Variants in PICK1 observed in about 807,000 individuals in gnomAD.
The protein encoded by PICK1 is PRKCA-binding protein.
In PICK1, 23 loss-of-function variants were observed where a neutral mutation model predicts 48.9. That is an observed-to-expected ratio of 0.47 (90% CI 0.34 to 0.67). The LOEUF (loss-of-function observed/expected upper bound fraction) is 0.67. Among genes scored for constraint, PICK1 ranks in the 30% least tolerant of loss-of-function variants. The pLI is 0.01. For missense variants in PICK1, 423 were observed against 557.1 expected (o/e 0.76, Z 2.42); for synonymous variants, 217 against 228.2 (o/e 0.95, Z 0.44).
chr22:38,058,847 A>T (rs2085332929), intron 2 of PICK1, among the ~76,000 whole-genome samples: 1 of 152,208 alleles, frequency 6.6e-6, no homozygotes, highest in Non-Finnish European at 1.5e-5. Context: ...TCTACTAAAA[A>T]TACAAAAAAA....
intron 8 of PICK1, 72 bp downstream of exon 8, chr22:38,071,816 G>A: frequency 7.4e-7 from 1 of 1,352,950 alleles, no homozygotes; most frequent in Admixed American, 1.7e-5. Context: ...ATGCTGAGGT[G>A]GGTCAGACCC....
intron 5 of PICK1, among the ~76,000 whole-genome samples, chr22:38,068,788 T>C (rs575867999): frequency 7.9e-5 from 12 of 152,204 alleles, no homozygotes; most frequent in Non-Finnish European, 1.8e-4. Flanking sequence ...CAGCAGCTGA[T>C]GTTGCGTAGC....
At chr22:38,072,381 C>A in intron 8 of PICK1, 96 bp from the exon 9 acceptor site, 1 of 1,464,922 alleles carries the variant, frequency 6.8e-7, no homozygotes, top group Non-Finnish European at 9.3e-7. Flanking sequence ...TGGCTTCCAG[C>A]CTGCCAGGCC....
chr22:38,060,596 C>G (rs1352754127), intron 3 of PICK1, among the ~76,000 whole-genome samples: 1 of 152,112 alleles, frequency 6.6e-6, no homozygotes, highest in East Asian at 1.9e-4. Flanking sequence ...CCTTCATGAG[C>G]CATTCGGCCT....
chr22:38,065,581 C>T (rs955850208), intron 4 of PICK1, among the ~76,000 whole-genome samples: 2 of 152,152 alleles, frequency 1.3e-5, no homozygotes, highest in Non-Finnish European at 2.9e-5. Flanking sequence ...CCTGTAGGAA[C>T]TTTCGGTCCC....
chr22:38,057,873 T>G (rs1489368578), intron 2 of PICK1, 23 bp downstream of exon 2: 3 of 1,600,724 alleles, frequency 1.9e-6, no homozygotes, highest in Non-Finnish European at 2.6e-6. Context: ...TTCCCCCAAG[T>G]TCCAGCAGTA....
In PICK1 at chr22:38,073,093, G is replaced by A; in HGVS notation, c.783+1G>A. 6.3e-7 allele frequency: 1 copy of A among 1,598,560 alleles called. No homozygotes were observed. The highest frequency in any genetic ancestry group is 8.6e-7 in the Non-Finnish European group (1 of 1,165,932). On this transcript the variant is annotated splice_donor_variant, in intron 10 of 12. Transcript: ENST00000356976. LOFTEE classifies it high-confidence loss of function. The surrounding 1 kb of genome is among the most constrained non-coding windows in gnomAD (Gnocchi z 5.7). ...CCTGGACGTGAAGTTTGAGTACCTGGTGAGTAGTCCAGGTGCCCAGGCTGC... is the reference window on the plus strand; with the variant it reads ...CCTGGACGTGAAGTTTGAGTACCTGATGAGTAGTCCAGGTGCCCAGGCTGC...
At chr22:38,072,057 T>G (rs1305735907) in intron 8 of PICK1, 1 of 500,972 alleles carries the variant, frequency 2.0e-6, no homozygotes, top group Non-Finnish European at 3.6e-6. Flanking sequence ...CCCCAGCTAC[T>G]GCAGAAAATG....
At chr22:38,069,679 A>T (rs2085628590) in intron 6 of PICK1, among the ~76,000 whole-genome samples, 1 of 152,122 alleles carries the variant, frequency 6.6e-6, no homozygotes, top group African/African-American at 2.4e-5. Context: ...GGTAGATATA[A>T]ATACTTCTAG....
intron 4 of PICK1, among the ~76,000 whole-genome samples, chr22:38,065,664 A>T (rs2085507168): frequency 6.6e-6 from 1 of 151,982 alleles, no homozygotes; most frequent in Admixed American, 6.5e-5. Context: ...TCTACAGACC[A>T]GAGTCACACA....
chr22:38,065,069 A>G lies in PICK1; in HGVS notation c.221A>G (p.Asn74Ser), dbSNP rs771440049. The change falls in exon 4 of 13, where the codon AAT becomes AGT. Residue 74 changes from asparagine to serine, a missense_variant. Asn to Ser is a conservative substitution (Grantham distance 46). Coordinates refer to ENST00000356976, the MANE Select transcript of PICK1 (RefSeq NM_012407.4). ...GCTGGCGATGAGATCACCGGTGTCA[A>G]TGGCAGGTCAATCAAAGGGAAAACT... ...VAAGDEITGV[N>S]GRSIKGKTKV... 6.2e-7 allele frequency: 1 copy of G among 1,614,096 alleles called. No individual in the cohort carries two copies. Among genetic ancestry groups the G allele is most frequent in the Admixed American group, 1.7e-5 (1 of 60,012 alleles).
rs373401475 is a variant in PICK1, at chr22:38,065,024, C to T, written c.176C>T (p.Ala59Val). The T allele has an allele frequency of 6.2e-7, 1 of 1,614,006 alleles. No individual in the cohort carries two copies. The highest frequency in any genetic ancestry group is 1.3e-5 in the African/African-American group (1 of 74,908). The change falls in exon 4 of 13, where the codon GCC (alanine) becomes GTC (valine). Residue 59 changes from alanine to valine, a missense_variant. Ala to Val is a moderately conservative substitution (Grantham distance 64). Coordinates refer to ENST00000356976, the MANE Select transcript of PICK1 (RefSeq NM_012407.4). Reference protein sequence around the residue: ...IVQVFDNTPAALDGTVAAGDE... With the variant: ...IVQVFDNTPAVLDGTVAAGDE... Reference sequence around the variant, plus strand: ...CAGGTATTTGACAACACCCCAGCAGCCTTGGACGGCACAGTGGCAGCTGGC... The same window carrying T: ...CAGGTATTTGACAACACCCCAGCAGTCTTGGACGGCACAGTGGCAGCTGGC...
rs2085782381 is a variant in PICK1, at chr22:38,074,439, G to A, written c.967G>A (p.Asp323Asn). The A allele has an allele frequency of 6.2e-7, 1 of 1,613,164 alleles. No homozygotes were observed. Among genetic ancestry groups the A allele is most frequent in the Admixed American group, 1.7e-5 (1 of 60,030 alleles). Residue 323 changes from aspartate (D) to asparagine (N), a missense_variant, in exon 12 of 13, where the codon GAC (aspartate) becomes AAC (asparagine). Coordinates refer to ENST00000356976, the MANE Select transcript of PICK1 (RefSeq NM_012407.4). The surrounding 1 kb of genome is among the most constrained non-coding windows in gnomAD (Gnocchi z 4.5). ...TGTGCTGGAGAAGATGGAGCTGCTG[G>A]ACCAGAAGCACGGTGAGCGCCGCCC... ...KDVLEKMELL[D>N]QKHVQDIVFQ...
chr22:38,065,300 T>C, intron 4 of PICK1, 170 bp downstream of exon 4: 3 of 690,986 alleles, frequency 4.3e-6, no homozygotes, highest in Non-Finnish European at 7.9e-6. Flanking sequence ...CCATCCCTCA[T>C]TCATTCAATA....
At position 38,074,233 on chromosome 22, in the gene PICK1, A is replaced by G. The variant is rs894739221; in HGVS notation, c.835-74A>G. 5.2e-6 allele frequency: 8 copies of G among 1,540,570 alleles called. No individual in the cohort carries two copies. The East Asian group carries it at 1.8e-4, about 35-fold the overall frequency. On this transcript the variant is annotated intron_variant, in intron 11 of 12. Coordinates refer to ENST00000356976, the MANE Select transcript of PICK1 (RefSeq NM_012407.4). The surrounding 1 kb of genome is among the most constrained non-coding windows in gnomAD (Gnocchi z 4.5). ...AAATGAGGTCTCAGGAATGAAGAAC[A>G]GCCGTGGCTTTGAAAGCACAGTGCG...
At position 38,065,171 on chromosome 22, in the gene PICK1, C is replaced by T. The variant is rs1286031760; in HGVS notation, c.282+41C>T. The stretch of plus-strand genomic sequence containing the variant: ...GAGCAGGTGTCCAGAGGCAGCAACA[C>T]ATGTTTCTGAGACCTCCAGGCTGCC... On this transcript the variant is annotated intron_variant, in intron 4 of 12. Coordinates refer to ENST00000356976, the MANE Select transcript of PICK1 (RefSeq NM_012407.4). 1.9e-6 allele frequency: 3 copies of T among 1,596,982 alleles called. No individual in the cohort carries two copies. In the African/African-American group the frequency reaches 4.0e-5, roughly 21 times the overall value.
chr22:38,073,469 C>T lies in PICK1; in HGVS notation c.784-304C>T, dbSNP rs983748754. ...TGCTCTATTAAGCAAGCCAAGGTTC[C>T]TTTGCTGCAGGACTTATCAGAGCCT... On this transcript the variant is annotated intron_variant, in intron 10 of 12. Coordinates refer to ENST00000356976, the MANE Select transcript of PICK1 (RefSeq NM_012407.4). This position sits in a 1 kb window ranked among gnomAD's most constrained non-coding sequence, Gnocchi z 5.7. 1.1e-4 allele frequency among the ~76,000 whole-genome samples: 16 copies of T among 152,346 alleles called. No homozygotes were observed. Among genetic ancestry groups the T allele is most frequent in the Admixed American group, 5.9e-4 (9 of 15,308 alleles).
chr22:38,058,238 A>C, intron 2 of PICK1: 1 of 296,848 alleles, frequency 3.4e-6, no homozygotes, highest in Non-Finnish European at 6.6e-6. Context: ...AGATTTTCCC[A>C]TTAGAATATA....
intron 5 of PICK1, 93 bp downstream of exon 5, chr22:38,067,863 C>T (rs1601948825): frequency 9.9e-7 from 1 of 1,009,504 alleles, no homozygotes; most frequent in Non-Finnish European, 1.6e-6. Flanking sequence ...CTGCCCTCCC[C>T]TTTATGACAG....
Sources: gnomAD v4.1 joint callset for allele counts (sites outside exome capture counted in the v4.1 genomes callset) on GRCh38, gnomAD v4.1.1 for gene constraint, Gnocchi (gnomAD v3.1) non-coding constraint, MANE v1.5 for transcripts, NCBI Gene and HGNC (gene_info 2026-07-23, HGNC 2026-07-21) for gene names.